The following GAREM1 variants were observed in gnomAD, a reference collection of about 807,000 sequenced individuals.
The protein encoded by GAREM1 is GRB2-associated and regulator of MAPK protein 1.
In GAREM1, 26 loss-of-function variants were observed where a neutral mutation model predicts 71.3. That is an observed-to-expected ratio of 0.36 (90% CI 0.27 to 0.51). The LOEUF is 0.51. GAREM1 is among the 20% of genes least tolerant of loss of function. The pLI is 0.95. For synonymous variants in GAREM1, 440 were observed against 433.2 expected (o/e 1.02, Z -0.20); for missense variants, 1,026 against 1,103.1 (o/e 0.93, Z 0.99).
In GAREM1 at chr18:32,267,866, T is replaced by C. The variant is rs2041395996; in HGVS notation, c.*5A>G. ...TTTGTTCCATGCTGGCCGGGGGTTA[T>C]TTGGCTATATTTTGGGCCTCCAGCC... On this transcript the variant is annotated 3_prime_UTR_variant, in exon 6 of 6. Coordinates refer to ENST00000269209, the MANE Select transcript of GAREM1 (RefSeq NM_001242409.2). 1.2e-6 allele frequency: 2 copies of C among 1,604,922 alleles called. No individual in the cohort carries two copies. The highest frequency in any genetic ancestry group is 1.7e-6 in the Non-Finnish European group (2 of 1,173,924).
At chr18:32,394,759 C>CAT (rs2048234520) in intron 1 of GAREM1, among the ~76,000 whole-genome samples, 1 of 152,194 alleles carries the variant, frequency 6.6e-6, no homozygotes, top group Admixed American at 6.5e-5. Flanking sequence ...CCCTGCTGAG[C>CAT]ATATGCACAG....
chr18:32,309,579 G>A (rs2047292712), intron 3 of GAREM1, among the ~76,000 whole-genome samples: 1 of 119,272 alleles, frequency 8.4e-6, no homozygotes, highest in South Asian at 2.9e-4. Context: ...TCGCGCCACT[G>A]TACTCCAGCC....
At chr18:32,336,296 G>C (rs941240172) in intron 2 of GAREM1, among the ~76,000 whole-genome samples, 5 of 152,070 alleles carry the variant, frequency 3.3e-5, no homozygotes, top group Admixed American at 6.5e-5. Context: ...CGGCCGTGGT[G>C]GTGGGTGCCT....
At chr18:32,392,148 T>G (rs943849649) in intron 2 of GAREM1, among the ~76,000 whole-genome samples, 9 of 152,038 alleles carry the variant, frequency 5.9e-5, no homozygotes, top group Non-Finnish European at 5.9e-5. Context: ...GAGAAAAGGC[T>G]AAGATCCTTT....
chr18:32,444,364 G>A (rs186525282), intron 1 of GAREM1, among the ~76,000 whole-genome samples: 2 of 152,266 alleles, frequency 1.3e-5, no homozygotes, highest in South Asian at 2.1e-4. Context: ...CTCAAGTCCT[G>A]CTCTGCTTTT....
At chr18:32,444,307 A>T (rs2048767449) in intron 1 of GAREM1, among the ~76,000 whole-genome samples, 1 of 152,200 alleles carries the variant, frequency 6.6e-6, no homozygotes, top group East Asian at 1.9e-4. Context: ...AAATGTTTTT[A>T]AAAGTAATTT....
At chr18:32,444,739 C>T (rs566083528) in intron 1 of GAREM1, among the ~76,000 whole-genome samples, 1 of 152,130 alleles carries the variant, frequency 6.6e-6, no homozygotes, top group South Asian at 2.1e-4. Context: ...GATGAATTAA[C>T]CTAGTGCTAG....
intron 1 of GAREM1, among the ~76,000 whole-genome samples, chr18:32,422,155 A>C (rs887561318): frequency 6.6e-6 from 1 of 151,506 alleles, no homozygotes; most frequent in East Asian, 1.9e-4. Context: ...CAACCCCACA[A>C]CAGGCCCTGG....
intron 1 of GAREM1, among the ~76,000 whole-genome samples, chr18:32,395,552 A>C (rs1046561956): frequency 6.6e-6 from 1 of 152,246 alleles, no homozygotes; most frequent in African/African-American, 2.4e-5. Flanking sequence ...ATTATCCAAC[A>C]AACATTTTTT....
chr18:32,420,086 T>A (rs536762003), intron 1 of GAREM1, among the ~76,000 whole-genome samples: 21 of 152,248 alleles, frequency 1.4e-4, no homozygotes, highest in African/African-American at 5.1e-4. Context: ...AATTGAGAAA[T>A]GAATGCAGCC....
At chr18:32,375,576 T>A (rs965924780) in intron 2 of GAREM1, among the ~76,000 whole-genome samples, 1 of 152,198 alleles carries the variant, frequency 6.6e-6, no homozygotes, top group Non-Finnish European at 1.5e-5. Flanking sequence ...TGACCTTTCC[T>A]TGACTTAGGT....
chr18:32,347,898 CA>C (rs1005686470), intron 2 of GAREM1, among the ~76,000 whole-genome samples: 1 of 152,234 alleles, frequency 6.6e-6, no homozygotes, highest in Non-Finnish European at 1.5e-5. Flanking sequence ...GCTGGAAATT[CA>C]CTCTTGAAAT....
chr18:32,336,698 C>T (rs2047599044), intron 2 of GAREM1, among the ~76,000 whole-genome samples: 1 of 152,140 alleles, frequency 6.6e-6, no homozygotes, highest in African/African-American at 2.4e-5. Flanking sequence ...CACTCAAACA[C>T]TCTGATGGAT....
chr18:32,360,326 T>C (rs1273650816), intron 2 of GAREM1, among the ~76,000 whole-genome samples: 1 of 152,194 alleles, frequency 6.6e-6, no homozygotes, highest in Non-Finnish European at 1.5e-5. Flanking sequence ...AGATTCTTCT[T>C]TTCTGGTTTG....
chr18:32,366,675 T>C (rs1265049958), intron 2 of GAREM1, among the ~76,000 whole-genome samples: 1 of 152,178 alleles, frequency 6.6e-6, no homozygotes, highest in Non-Finnish European at 1.5e-5. Context: ...ATATATCAAC[T>C]CTGGTTAAAA....
At chr18:32,316,061 G>T (rs986330156) in intron 2 of GAREM1, among the ~76,000 whole-genome samples, 1 of 151,886 alleles carries the variant, frequency 6.6e-6, no homozygotes, top group Admixed American at 6.6e-5. Context: ...ATGGTCATAG[G>T]GTCCATATTA....
At chr18:32,326,351 T>C (rs1453510324) in intron 2 of GAREM1, among the ~76,000 whole-genome samples, 1 of 152,176 alleles carries the variant, frequency 6.6e-6, no homozygotes, top group African/African-American at 2.4e-5. Flanking sequence ...ATTCCTGTAA[T>C]AAATTTGTGA....
At chr18:32,310,468 G>A in intron 2 of GAREM1, 145 bp from the exon 3 acceptor site, 1 of 674,338 alleles carries the variant, frequency 1.5e-6, no homozygotes, top group African/African-American at 1.9e-5. Flanking sequence ...AGGCATTATG[G>A]GAGGTTCCAT....
intron 1 of GAREM1, among the ~76,000 whole-genome samples, chr18:32,437,793 T>C (rs563270101): frequency 2.0e-5 from 3 of 152,290 alleles, no homozygotes; most frequent in East Asian, 1.9e-4. Context: ...ACATAGACAA[T>C]AGCAAATATA....
Sources: allele counts gnomAD v4.1 joint callset (sites outside exome capture counted in the v4.1 genomes callset), GRCh38; gene constraint gnomAD v4.1.1; transcripts MANE v1.5; gene names NCBI Gene and HGNC (gene_info 2026-07-23, HGNC 2026-07-21).